Variants in AP2B1 observed in about 807,000 individuals in gnomAD.
AP2B1 encodes the protein adaptor related protein complex 2 subunit beta 1.
AP2B1 carries 23 observed loss-of-function variants against 102.0 expected under a neutral mutation model. That is an observed-to-expected ratio of 0.23 (90% confidence interval 0.16 to 0.32). The LOEUF is 0.32. AP2B1 is among the 10% of genes least tolerant of loss of function. The pLI is 1.00. For synonymous variants in AP2B1, 381 were observed against 421.2 expected (o/e 0.90, Z 1.17); for missense variants, 541 against 1,157.4 (o/e 0.47, Z 7.73).
At chr17:35,709,173 C>A in intron 18 of AP2B1, 51 bp from the exon 19 acceptor site, 1 of 1,512,418 alleles carries the variant, frequency 6.6e-7, no homozygotes, top group Non-Finnish European at 9.2e-7. Flanking sequence ...TCTTTTCCTC[C>A]TACCTGGCTC....
rs868339634 is a variant in AP2B1, at chr17:35,604,985, G to A, written c.144-720G>A. ...GTCATCCAGGCTAGAGTGCAGTGAC[G>A]TGATCATGGCTCACTGCAGTCTCGA... On this transcript the variant is annotated intron_variant, in intron 3 of 21. Coordinates refer to ENST00000610402, the MANE Select transcript of AP2B1 (RefSeq NM_001030006.2). Among the ~76,000 whole-genome samples the A allele has an allele frequency of 5.9e-5, 9 of 152,072 alleles. No individual in the cohort carries two copies. In the South Asian group the frequency reaches 1.2e-3, roughly 21 times the overall value.
At chr17:35,651,594 AAT>A (rs1327428916) in intron 13 of AP2B1, among the ~76,000 whole-genome samples, 2 of 152,082 alleles carry the variant, frequency 1.3e-5, no homozygotes, top group African/African-American at 4.8e-5. Context: ...ACCATTGTCT[AAT>A]ATATATTATT....
At chr17:35,648,621 A>AT (rs1250776071) in intron 12 of AP2B1, among the ~76,000 whole-genome samples, 1 of 152,214 alleles carries the variant, frequency 6.6e-6, no homozygotes, top group African/African-American at 2.4e-5. Context: ...ATGTCCCTCA[A>AT]TAGTGGACTA....
intron 18 of AP2B1, among the ~76,000 whole-genome samples, chr17:35,706,749 T>G (rs1326814789): frequency 6.6e-6 from 1 of 152,050 alleles, no homozygotes; most frequent in South Asian, 2.1e-4. Context: ...CAAGTGATTC[T>G]CCTGCCTCAG....
intron 3 of AP2B1, among the ~76,000 whole-genome samples, chr17:35,601,869 C>T (rs973616675): frequency 6.6e-6 from 1 of 151,786 alleles, no homozygotes; most frequent in Non-Finnish European, 1.5e-5. Context: ...CCCCCGACTC[C>T]CGGGTTCAAG....
Position 35,707,011 on chromosome 17 carries a change from T to C in AP2B1, c.2455-2213T>C, listed in dbSNP as rs587637598. On this transcript the variant is annotated intron_variant, in intron 18 of 21. Transcript: ENST00000610402. ...TAGCGCTGTCTCAAGATCTTCTTGG[T>C]GCCCTTATTTGAAATAAGAATTCTC... Among the ~76,000 whole-genome samples, 7 of 152,148 alleles carry C rather than the reference T, an allele frequency of 4.6e-5. No homozygotes were observed. The South Asian group carries it at 1.2e-3, about 27-fold the overall frequency.
intron 13 of AP2B1, among the ~76,000 whole-genome samples, chr17:35,656,357 C>T (rs1429938013): frequency 6.6e-6 from 1 of 152,164 alleles, no homozygotes; most frequent in Non-Finnish European, 1.5e-5. Context: ...CCTACCTAGT[C>T]CTTTTAACAT....
At chr17:35,678,268 T>C (rs1402291896) in intron 17 of AP2B1, among the ~76,000 whole-genome samples, 1 of 152,242 alleles carries the variant, frequency 6.6e-6, no homozygotes, top group Admixed American at 6.5e-5. Flanking sequence ...ACTTACTTTT[T>C]CTTTCTAGTG....
At chr17:35,657,326 A>G (rs1039306594) in intron 13 of AP2B1, among the ~76,000 whole-genome samples, 2 of 152,212 alleles carry the variant, frequency 1.3e-5, no homozygotes, top group African/African-American at 2.4e-5. Context: ...GTGTTCCCTC[A>G]TAGACGTTTA....
At chr17:35,704,782 C>A (rs1368034824) in intron 18 of AP2B1, among the ~76,000 whole-genome samples, 1 of 152,032 alleles carries the variant, frequency 6.6e-6, no homozygotes, top group East Asian at 1.9e-4. Flanking sequence ...CCTGTAATTC[C>A]AGCCCTTTGG....
intron 12 of AP2B1, among the ~76,000 whole-genome samples, chr17:35,646,780 G>A (rs566666051): frequency 1.3e-5 from 2 of 151,916 alleles, no homozygotes; most frequent in South Asian, 4.2e-4. Flanking sequence ...GTAGAGATGG[G>A]ATTTTGCCAT....
In AP2B1 at chr17:35,723,657, T is replaced by C; in HGVS notation, c.2814T>C (p.Ser938=). Residue 938 remains serine (S), a synonymous_variant, in exon 22 of 22, where the codon TCT becomes TCC. Coordinates refer to ENST00000610402, the MANE Select transcript of AP2B1 (RefSeq NM_001030006.2). The stretch of plus-strand genomic sequence containing the variant: ...TGAAGTGTAGAGCTCCTGAAGTCTC[T>C]CAATACATCTATCAGGTCTACGACA... ...LSLKCRAPEV[S]QYIYQVYDSI... 6.2e-7 allele frequency: 1 copy of C among 1,608,364 alleles called. No homozygotes were observed. The highest frequency in any genetic ancestry group is 8.5e-7 in the Non-Finnish European group (1 of 1,176,940).
chr17:35,641,730 T>C (rs996507973), intron 11 of AP2B1, 147 bp from the exon 12 acceptor site: 3 of 513,928 alleles, frequency 5.8e-6, no homozygotes, highest in Non-Finnish European at 1.0e-5. Context: ...GTTGTTGATA[T>C]TGATTGAGTT....
intron 9 of AP2B1, among the ~76,000 whole-genome samples, chr17:35,628,842 TTG>T (rs2074386367): frequency 2.6e-5 from 4 of 152,226 alleles, no homozygotes; most frequent in Non-Finnish European, 5.9e-5. Context: ...CTATCAACTG[TTG>T]GCTTGCAAAA....
At chr17:35,614,204 T>C (rs1159890261) in intron 5 of AP2B1, among the ~76,000 whole-genome samples, 1 of 152,164 alleles carries the variant, frequency 6.6e-6, no homozygotes, top group Non-Finnish European at 1.5e-5. Context: ...AAATTTACTT[T>C]TTATTTTTTG....
intron 21 of AP2B1, among the ~76,000 whole-genome samples, chr17:35,720,545 T>TTTTATATATATATA (rs1402145369): frequency 5.5e-5 from 3 of 54,376 alleles, no homozygotes; most frequent in African/African-American, 2.5e-4. Flanking sequence ...TTTATTTTAT[T>TTTTATATATATATA]TATATATATA....
At chr17:35,636,770 C>T (rs2074618962) in intron 10 of AP2B1, among the ~76,000 whole-genome samples, 1 of 152,180 alleles carries the variant, frequency 6.6e-6, no homozygotes, top group Admixed American at 6.6e-5. Context: ...GTTGTTCAGG[C>T]ATAATCTCAG....
intron 21 of AP2B1, 77 bp downstream of exon 21, chr17:35,717,426 A>G: frequency 6.6e-7 from 1 of 1,520,084 alleles, no homozygotes; most frequent in Non-Finnish European, 9.0e-7. Flanking sequence ...TTAGCACCCT[A>G]GAAAGACCTG....
intron 14 of AP2B1, among the ~76,000 whole-genome samples, chr17:35,666,074 A>G (rs1396004394): frequency 2.0e-5 from 3 of 152,120 alleles, no homozygotes; most frequent in African/African-American, 4.8e-5. Context: ...GTTGTAGCAC[A>G]TTGCCATTGG....
Sources: gnomAD v4.1 joint callset for allele counts (sites outside exome capture counted in the v4.1 genomes callset) on GRCh38, gnomAD v4.1.1 for gene constraint, MANE v1.5 for transcripts, NCBI Gene and HGNC (gene_info 2026-07-23, HGNC 2026-07-21) for gene names.